CNTNAP2: variants seen among roughly 807,000 people sequenced by gnomAD.
CNTNAP2 encodes contactin-associated protein-like 2.
CNTNAP2 carries 98 observed loss-of-function variants against 155.2 expected under a neutral mutation model. The observed-to-expected ratio is 0.63, with a 90% CI of 0.54 to 0.75. CNTNAP2 has a LOEUF of 0.75. CNTNAP2 is among the 30% of genes least tolerant of loss of function. The pLI, the probability that CNTNAP2 is intolerant of heterozygous loss-of-function variation, is 0.00. For missense variants in CNTNAP2, 1,727 were observed against 1,688.1 expected, an observed-to-expected ratio of 1.02 and a Z score of -0.40; for synonymous variants, 651 against 631.2, an observed-to-expected ratio of 1.03 and a Z score of -0.47.
At chr7:148,236,358 C>T (rs773349217) in intron 20 of CNTNAP2, among the ~76,000 whole-genome samples, 2 of 152,188 alleles carry the variant, frequency 1.3e-5, no homozygotes, top group African/African-American at 2.4e-5. Context: ...AATCTTACTG[C>T]CCCATTGTTG....
At chr7:146,183,758 C>T (rs543970638) in intron 1 of CNTNAP2, among the ~76,000 whole-genome samples, 43 of 152,158 alleles carry the variant, frequency 2.8e-4, no homozygotes, top group African/African-American at 9.4e-4. Flanking sequence ...GCTGGAGTAG[C>T]GACGTTTTGT....
chr7:147,623,749 A>C (rs1794912779), intron 12 of CNTNAP2, among the ~76,000 whole-genome samples: 1 of 148,096 alleles, frequency 6.8e-6, no homozygotes, highest in South Asian at 2.1e-4. Context: ...ATAAAAAAAA[A>C]AATTTTAAAT....
At chr7:147,996,033 C>T (rs1801798824) in intron 15 of CNTNAP2, among the ~76,000 whole-genome samples, 2 of 152,208 alleles carry the variant, frequency 1.3e-5, no homozygotes, top group Admixed American at 1.3e-4. Flanking sequence ...CCTTCTGAGG[C>T]TGTGAGGGTC....
chr7:147,636,337 C>T (rs1416093900), intron 12 of CNTNAP2, among the ~76,000 whole-genome samples: 1 of 152,166 alleles, frequency 6.6e-6, no homozygotes, highest in Non-Finnish European at 1.5e-5. Flanking sequence ...TAGAGTCTCA[C>T]AGGATAGTCC....
intron 21 of CNTNAP2, among the ~76,000 whole-genome samples, chr7:148,282,246 T>C (rs1035417131): frequency 1.3e-5 from 2 of 152,188 alleles, no homozygotes; most frequent in Non-Finnish European, 1.5e-5. Flanking sequence ...ATACTCTCAA[T>C]ATCTAGATAA....
At chr7:147,146,105 A>G (rs1702229089) in intron 8 of CNTNAP2, among the ~76,000 whole-genome samples, 1 of 152,198 alleles carries the variant, frequency 6.6e-6, no homozygotes, top group Admixed American at 6.5e-5. Context: ...TGCCAATATT[A>G]GGTTCAGGTG....
intron 2 of CNTNAP2, among the ~76,000 whole-genome samples, chr7:146,832,565 TTAATC>T (rs1443944681): frequency 6.8e-6 from 1 of 148,020 alleles, no homozygotes; most frequent in Admixed American, 6.8e-5. Flanking sequence ...GTTTAGATAT[TTAATC>T]TAATATATTA....
At chr7:148,334,695 AG>A in intron 21 of CNTNAP2, among the ~76,000 whole-genome samples, 1 of 152,324 alleles carries the variant, frequency 6.6e-6, no homozygotes, top group Non-Finnish European at 1.5e-5. Flanking sequence ...CACCTTTGCC[AG>A]GCCCCAGAAG....
intron 14 of CNTNAP2, among the ~76,000 whole-genome samples, chr7:147,937,356 A>T (rs1349010838): frequency 6.6e-6 from 1 of 152,122 alleles, no homozygotes; most frequent in African/African-American, 2.4e-5. Flanking sequence ...ATCATAACAC[A>T]TTCCAAAATA....
chr7:146,924,773 G>C (rs928678533), intron 3 of CNTNAP2, among the ~76,000 whole-genome samples: 9 of 151,792 alleles, frequency 5.9e-5, no homozygotes, highest in African/African-American at 1.7e-4. Flanking sequence ...AGAGTTTTTT[G>C]TTTGTTCATT....
At chr7:148,369,156 ATT>A (rs35057926) in intron 21 of CNTNAP2, among the ~76,000 whole-genome samples, 1 of 111,838 alleles carries the variant, frequency 8.9e-6, no homozygotes, top group Non-Finnish European at 1.8e-5. Flanking sequence ...ATATTTTTAT[ATT>A]TTTTTTAATT....
At chr7:148,216,443 T>C (rs574727329) in intron 18 of CNTNAP2, among the ~76,000 whole-genome samples, 2 of 151,202 alleles carry the variant, frequency 1.3e-5, no homozygotes, top group African/African-American at 4.8e-5. Context: ...AGACATGTGA[T>C]TGTAAACCCT....
chr7:146,940,058 A>G (rs1210627512), intron 3 of CNTNAP2, among the ~76,000 whole-genome samples: 1 of 152,200 alleles, frequency 6.6e-6, no homozygotes, highest in African/African-American at 2.4e-5. Context: ...CCAATTTAGA[A>G]AGTACGAAAG....
intron 14 of CNTNAP2, among the ~76,000 whole-genome samples, chr7:147,921,563 C>T (rs1800281031): frequency 1.3e-5 from 2 of 152,092 alleles, no homozygotes; most frequent in Non-Finnish European, 2.9e-5. Flanking sequence ...TTTTGAGTTC[C>T]TGTTATGCAC....
At chr7:147,978,270 A>G (rs1414407739) in intron 15 of CNTNAP2, 4 of 440,566 alleles carry the variant, frequency 9.1e-6, no homozygotes, top group Non-Finnish European at 1.7e-5. Flanking sequence ...AGCAATGCTA[A>G]TAGCATAAAT....
chr7:146,270,614 AT>A (rs1309406531), intron 1 of CNTNAP2, among the ~76,000 whole-genome samples: 1 of 152,122 alleles, frequency 6.6e-6, no homozygotes, highest in African/African-American at 2.4e-5. Flanking sequence ...TTTTATGATC[AT>A]TTTTTACATA....
At chr7:147,086,317 A>G (rs1022641366) in intron 4 of CNTNAP2, among the ~76,000 whole-genome samples, 5 of 152,218 alleles carry the variant, frequency 3.3e-5, no homozygotes, top group African/African-American at 9.6e-5. Flanking sequence ...ATAGATACAG[A>G]GAAGCAAAAG....
intron 15 of CNTNAP2, among the ~76,000 whole-genome samples, chr7:147,993,028 T>G (rs1297970833): frequency 6.6e-6 from 1 of 152,214 alleles, no homozygotes; most frequent in Non-Finnish European, 1.5e-5. Context: ...GAAAAGAAAT[T>G]TATATGTCAA....
At position 146,591,692 on chromosome 7, in the gene CNTNAP2, T is replaced by C. The variant is rs373705632; in HGVS notation, c.98-182579T>C. ...CTTTTTCCCAATGCAATATTTGTGA[T>C]GAAGTGTTCCCCAAGTTATGCTTTT... is the stretch of plus-strand genomic sequence containing the variant. On this transcript the variant is annotated intron_variant, in intron 1 of 23. Coordinates refer to ENST00000361727, the MANE Select transcript of CNTNAP2 (RefSeq NM_014141.6). Among the ~76,000 whole-genome samples the C allele has an allele frequency of 7.2e-5, 11 of 152,330 alleles. No individual in the cohort carries two copies. In the South Asian group the frequency reaches 2.3e-3, roughly 32 times the overall value.
Sources: gnomAD v4.1 joint callset for allele counts (sites outside exome capture counted in the v4.1 genomes callset) on GRCh38, gnomAD v4.1.1 for gene constraint, MANE v1.5 for transcripts, NCBI Gene and HGNC (gene_info 2026-07-23, HGNC 2026-07-21) for gene names.